Variants in SLC38A9 observed in about 807,000 individuals in gnomAD.
SLC38A9 encodes the protein neutral amino acid transporter 9.
SLC38A9 carries 48 observed loss-of-function variants against 62.3 expected under a neutral mutation model. The observed-to-expected ratio is 0.77, with a 90% confidence interval of 0.61 to 0.98. The LOEUF (loss-of-function observed/expected upper bound fraction) is 0.98, where lower values mean the gene tolerates loss of function less well. SLC38A9 is among the 50% of genes least tolerant of loss of function. The pLI, the probability that SLC38A9 is intolerant of heterozygous loss-of-function variation, is 0.00. For missense variants in SLC38A9, 541 were observed against 679.8 expected, an observed-to-expected ratio of 0.80 and a Z score of 2.27; for synonymous variants, 204 against 227.7, an observed-to-expected ratio of 0.90 and a Z score of 0.94.
intron 11 of SLC38A9, among the ~76,000 whole-genome samples, chr5:55,648,642 CAGA>C (rs1746823719): frequency 1.3e-5 from 2 of 152,124 alleles, no homozygotes; most frequent in South Asian, 2.1e-4. Context: ...AATAGAAAAA[CAGA>C]AGAAGCACTT....
chr5:55,692,965 C>T, intron 3 of SLC38A9: 3 of 982,472 alleles, frequency 3.1e-6, no homozygotes, highest in Non-Finnish European at 3.6e-6. Context: ...ATTTCCACCT[C>T]TAGTTTTAAG....
intron 2 of SLC38A9, among the ~76,000 whole-genome samples, chr5:55,709,629 G>A (rs1757742626): frequency 6.6e-6 from 1 of 151,974 alleles, no homozygotes; most frequent in South Asian, 2.1e-4. Flanking sequence ...ATTTCAATTT[G>A]TAGTTCAGGT....
chr5:55,675,195 G>C (rs1751912121), intron 3 of SLC38A9: 1 of 152,168 alleles, frequency 6.6e-6, no homozygotes, highest in Admixed American at 6.5e-5. Context: ...AAAGCAGTCA[G>C]GAAGTGCTAA....
rs188597123 is a variant in SLC38A9, at chr5:55,629,456, G to T, written c.1431-1476C>A. ...GATAAAGGAGTAGAACATTAATTTT[G>T]CTAAATCTCATGTTTGAATATATAT... is the stretch of plus-strand genomic sequence containing the variant. On this transcript the variant is annotated intron_variant, in intron 14 of 15. Transcript: ENST00000396865. Among the ~76,000 whole-genome samples, 958 of 152,180 alleles carry T rather than the reference G, an allele frequency of 6.3e-3. 7 individuals are homozygous for T. The highest frequency in any genetic ancestry group is 0.011 in the Non-Finnish European group (758 of 68,008).
At chr5:55,679,171 CATAATTTGCAAATGA>C (rs1752654318) in intron 3 of SLC38A9, among the ~76,000 whole-genome samples, 1 of 151,862 alleles carries the variant, frequency 6.6e-6, no homozygotes, top group East Asian at 1.9e-4. Context: ...AGTATATGTA[CATAATTTGCAAATGA>C]ATATGTGCAT....
rs115020459 is a variant in SLC38A9 at position 55,671,034 on chromosome 5, T to A, written c.247-1155A>T. 2.6e-3 allele frequency among the ~76,000 whole-genome samples: 396 copies of A among 152,340 alleles called. 2 individuals carry two copies. The highest frequency in any genetic ancestry group is 9.1e-3 in the African/African-American group (377 of 41,588). The stretch of plus-strand genomic sequence containing the variant: ...CATTCCAGTGATGCCCAATCACTGG[T>A]CCTTATTAAATGTTAATGAATGTTG... On this transcript the variant is annotated intron_variant, in intron 4 of 15. Coordinates refer to ENST00000396865, the MANE Select transcript of SLC38A9 (RefSeq NM_173514.4).
At chr5:55,658,661 A>G (rs1326138971) in intron 8 of SLC38A9, among the ~76,000 whole-genome samples, 3 of 152,162 alleles carry the variant, frequency 2.0e-5, no homozygotes, top group Non-Finnish European at 4.4e-5. Context: ...TTGATTTCAC[A>G]TCTCTAGTCT....
chr5:55,632,856 G>T (rs1743736462), intron 14 of SLC38A9, among the ~76,000 whole-genome samples: 1 of 152,128 alleles, frequency 6.6e-6, no homozygotes, highest in Non-Finnish European at 1.5e-5. Context: ...GGCCTTGCTG[G>T]AGTTCCCCAC....
At chr5:55,646,058 C>T (rs539549764) in intron 11 of SLC38A9, among the ~76,000 whole-genome samples, 163 bp from the exon 12 acceptor site, 4 of 152,134 alleles carry the variant, frequency 2.6e-5, no homozygotes, top group South Asian at 4.1e-4. Context: ...TATACTTGGG[C>T]GAAGCACTCA....
At chr5:55,700,616 TAGAA>T (rs1351303190) in intron 2 of SLC38A9, among the ~76,000 whole-genome samples, 1 of 151,954 alleles carries the variant, frequency 6.6e-6, no homozygotes, top group Admixed American at 6.5e-5. Flanking sequence ...TGGGAAAAAA[TAGAA>T]AGCACAAGAT....
chr5:55,660,795 T>G (rs1216470611), intron 8 of SLC38A9, among the ~76,000 whole-genome samples: 2 of 152,054 alleles, frequency 1.3e-5, no homozygotes, highest in Non-Finnish European at 2.9e-5. Context: ...TATTAAAATT[T>G]CATGGGGGGG....
At chr5:55,659,291 AT>A in intron 8 of SLC38A9, among the ~76,000 whole-genome samples, 1 of 33,362 alleles carries the variant, frequency 3.0e-5, no homozygotes, top group Non-Finnish European at 1.2e-4. Context: ...ATTTATACGT[AT>A]ATGTCTGTGT....
chr5:55,665,551 A>G (rs1447001198), intron 7 of SLC38A9, among the ~76,000 whole-genome samples: 1 of 151,834 alleles, frequency 6.6e-6, no homozygotes, highest in Non-Finnish European at 1.5e-5. Context: ...CATCTCAAAA[A>G]AAAAAAAAGA....
chr5:55,691,466 CAG>C (rs1487614778), intron 3 of SLC38A9, among the ~76,000 whole-genome samples: 3 of 152,058 alleles, frequency 2.0e-5, no homozygotes, highest in African/African-American at 4.8e-5. Flanking sequence ...GAAGAGGAAA[CAG>C]AGATAGAGAA....
At chr5:55,649,667 CAA>C (rs1432734472) in intron 10 of SLC38A9, among the ~76,000 whole-genome samples, 1 of 152,048 alleles carries the variant, frequency 6.6e-6, no homozygotes, top group African/African-American at 2.4e-5. Flanking sequence ...ACTAAAAATA[CAA>C]AAGTTAGCCA....
At position 55,697,864 on chromosome 5, in the gene SLC38A9, G is replaced by C; in HGVS notation, c.95C>G (p.Ser32Trp). The change falls in exon 3 of 16, where the codon TCG (serine) becomes TGG (tryptophan). Residue 32 changes from serine to tryptophan, a missense_variant. By Grantham distance (177) the Ser-to-Trp change is radical. Transcript: ENST00000396865. ...TGCTTACCTTTTGGATCTTAGATCC[G>C]ATGGCTCAAACTGGATATTCATAGG... The part of the protein sequence containing the change: ...PGPMNIQFEP[S>W]DLRSKRPFCI... 1 of 1,583,032 alleles carries C rather than the reference G, an allele frequency of 6.3e-7. No individual in the cohort carries two copies. The highest frequency in any genetic ancestry group is 8.6e-7 in the Non-Finnish European group (1 of 1,166,080).
At chr5:55,679,417 C>T (rs958587317) in intron 3 of SLC38A9, among the ~76,000 whole-genome samples, 1 of 151,858 alleles carries the variant, frequency 6.6e-6, no homozygotes, top group Non-Finnish European at 1.5e-5. Context: ...AATTCTCCGG[C>T]CCATGTATTT....
At chr5:55,647,557 G>A (rs539961886) in intron 11 of SLC38A9, among the ~76,000 whole-genome samples, 4 of 152,262 alleles carry the variant, frequency 2.6e-5, no homozygotes, top group African/African-American at 7.2e-5. Flanking sequence ...TTTTCAACAC[G>A]TTCTTTTCAA....
intron 7 of SLC38A9, among the ~76,000 whole-genome samples, chr5:55,668,400 T>C (rs1396902351): frequency 6.6e-6 from 1 of 152,148 alleles, no homozygotes; most frequent in Non-Finnish European, 1.5e-5. Flanking sequence ...TTATTTTTTA[T>C]TTATTTTTTA....
Sources: gnomAD v4.1 joint callset for allele counts (sites outside exome capture counted in the v4.1 genomes callset) on GRCh38, gnomAD v4.1.1 for gene constraint, MANE v1.5 for transcripts, NCBI Gene and HGNC (gene_info 2026-07-23, HGNC 2026-07-21) for gene names.